The following GABRE variants were observed in gnomAD, a reference collection of about 807,000 sequenced individuals.
GABRE encodes gamma-aminobutyric acid receptor subunit epsilon.
A neutral mutation model predicts 31.0 loss-of-function variants in GABRE; 20 were observed. The observed-to-expected ratio is 0.64, with a 90% CI of 0.45 to 0.94. GABRE has a LOEUF of 0.94. Ranked by LOEUF, GABRE falls within the 40% of genes least tolerant of loss-of-function variation. GABRE has a pLI of 0.00. For synonymous variants in GABRE, 155 were observed against 150.6 expected (o/e 1.03, Z -0.21); for missense variants, 420 against 410.7 (o/e 1.02, Z -0.20).
Position 151,953,802 on chromosome X carries a change from CTTAG to C in GABRE, c.*895_*898del, listed in dbSNP as rs1289735997. On this transcript the variant is annotated 3_prime_UTR_variant, in exon 9 of 9. Transcript: ENST00000370328. Reference sequence around the variant, plus strand: ...AATGCCTGTTGCAAAGCCGAGTTTCCTTAGTTTCTTGGCCCCAGGAAGTCACCAA... The same window carrying C: ...AATGCCTGTTGCAAAGCCGAGTTTCCTTTCTTGGCCCCAGGAAGTCACCAA... The C allele has an allele frequency of 8.9e-6, 1 of 111,772 alleles. No individual in the cohort carries two copies. The highest frequency in any genetic ancestry group is 1.9e-5 in the Non-Finnish European group (1 of 53,152). 9.2% of individuals were successfully genotyped at this position (111,772 alleles called of 1,213,427 possible).
intron 3 of GABRE, among the ~76,000 whole-genome samples, chrX:151,963,268 A>C (rs1934436480): frequency 8.9e-6 from 1 of 112,357 alleles, no homozygotes; most frequent in Non-Finnish European, 1.9e-5. Flanking sequence ...GAAGACTGGA[A>C]TCTTGCCCTC....
chrX:151,959,379 T>C (rs1256781863), intron 6 of GABRE: 1 of 244,080 alleles, frequency 4.1e-6, no homozygotes, highest in Non-Finnish European at 7.6e-6. Flanking sequence ...TCCTCCAGAC[T>C]TTCCCAGCCT....
At chrX:151,974,205 T>C (rs1043880297) in intron 1 of GABRE, among the ~76,000 whole-genome samples, 1 of 111,997 alleles carries the variant, frequency 8.9e-6, no homozygotes, top group Non-Finnish European at 1.9e-5. Flanking sequence ...AAGCCTGCCC[T>C]GGCCGGTCAC....
Position 151,974,640 on chromosome X carries a change from G to C in GABRE, c.-15C>G. On this transcript the variant is annotated 5_prime_UTR_variant, in exon 1 of 9. Coordinates refer to ENST00000370328, the MANE Select transcript of GABRE (RefSeq NM_004961.4). ...TTGGACAACATTTCCGCGGAGACCG[G>C]CGCGACCACCTGCGCGGAGGTCGCG... The C allele has an allele frequency of 8.6e-7, 1 of 1,158,685 alleles. No individual in the cohort carries two copies. Among genetic ancestry groups the C allele is most frequent in the South Asian group, 1.9e-5 (1 of 52,036 alleles).
chrX:151,970,542 A>G, intron 1 of GABRE, 140 bp from the exon 2 acceptor site: 1 of 675,313 alleles, frequency 1.5e-6, no homozygotes. Context: ...AGCAAATTAT[A>G]AGACAGTGAC....
Position 151,974,573 on chromosome X carries a change from GACTGGAGGATCA to G in GABRE, c.41_52del (p.Leu14_Gln17del). On this transcript the variant is annotated inframe_deletion, in exon 1 of 9. Coordinates refer to ENST00000370328, the MANE Select transcript of GABRE (RefSeq NM_004961.4). ...GGGTCCCGGGATGGAGACTCACCTC[GACTGGAGGATCA>G]ATAAGATGCCTAGGAGGACTGGAAG... is the stretch of plus-strand genomic sequence containing the variant. 8.6e-7 allele frequency: 1 copy of G among 1,167,810 alleles called. No individual in the cohort carries two copies.
chrX:151,974,504 CGTCCCGGCTCCCG>C, intron 1 of GABRE, 53 bp downstream of exon 1: 1 of 782,413 alleles, frequency 1.3e-6, no homozygotes, highest in Non-Finnish European at 1.8e-6. Flanking sequence ...TCCCGGGAGC[CGTCCCGGCTCCCG>C]GGGAGAGGGA....
intron 6 of GABRE, chrX:151,956,201 G>A (rs1355244386): frequency 1.4e-5 from 3 of 218,289 alleles, no homozygotes; most frequent in Non-Finnish European, 2.5e-5. Flanking sequence ...CCACGCAGCT[G>A]ATATCCAGAT....
At position 151,955,507 on chromosome X, in the gene GABRE, C is replaced by A. The variant is rs749967424; in HGVS notation, c.998G>T (p.Arg333Leu). ...ATCCAAGGCTGTGATATAGGAGACA[C>A]GCGGGAAATTCTTACGAGAAAAGGT... ...LGTFSRKNFP[R>L]VSYITALDFY... Residue 333 changes from arginine (R) to leucine (L), a missense_variant, in exon 8 of 9, where the codon CGT (arginine) becomes CTT (leucine). Arg to Leu is a moderately radical substitution (Grantham distance 102). Transcript: ENST00000370328. 10 of 1,210,210 alleles carry A rather than the reference C, an allele frequency of 8.3e-6. No individual in the cohort carries two copies. Among genetic ancestry groups the A allele is most frequent in the Non-Finnish European group, 1.1e-5 (10 of 895,055 alleles).
Position 151,959,728 on chromosome X carries a change from G to T in GABRE, c.784+111C>A, listed in dbSNP as rs1157764668. 4 of 817,506 alleles carry T rather than the reference G, an allele frequency of 4.9e-6. No individual in the cohort carries two copies. In the African/African-American group the frequency reaches 6.1e-5, roughly 13 times the overall value. 67.4% of individuals were successfully genotyped at this position (817,506 alleles called of 1,213,427 possible). A position where few individuals can be genotyped will look rare whatever the true frequency, so the allele number is the denominator to read the frequency against. ...AGTGCTTAGCAATTATAAGACAGGAGCCATGTCTTACAATGTTTGCACGGG... is the reference window on the plus strand; with the variant it reads ...AGTGCTTAGCAATTATAAGACAGGATCCATGTCTTACAATGTTTGCACGGG... On this transcript the variant is annotated intron_variant, in intron 6 of 8. Coordinates refer to ENST00000370328, the MANE Select transcript of GABRE (RefSeq NM_004961.4).
At chrX:151,965,656 C>T (rs1199815810) in intron 3 of GABRE, among the ~76,000 whole-genome samples, 6 of 112,979 alleles carry the variant, frequency 5.3e-5, no homozygotes, top group Non-Finnish European at 9.4e-5. Context: ...CTGCAGAATC[C>T]CTAGGTCTTT....
chrX:151,971,348 A>C (rs1663602198), intron 1 of GABRE: 1 of 303,000 alleles, frequency 3.3e-6, no homozygotes. Context: ...TTTAAAAATC[A>C]AAATGCCCCA....
At chrX:151,963,459 T>G in intron 3 of GABRE, among the ~76,000 whole-genome samples, 1 of 112,706 alleles carries the variant, frequency 8.9e-6, no homozygotes. Context: ...GCACTACTAC[T>G]CACTTTGTGC....
In GABRE at chrX:151,955,733, C is replaced by T. The variant is rs748359641; in HGVS notation, c.912G>A (p.Glu304=). The change falls in exon 7 of 9, where the codon GAG becomes GAA. Residue 304 remains glutamate (E), a synonymous_variant. Coordinates refer to ENST00000370328, the MANE Select transcript of GABRE (RefSeq NM_004961.4). ...CTAGAGAGGTCCGGGCTGGAGCAGA[C>T]TCTGTCTTGATCCAAAAGGAAACCC... ...LSWVSFWIKT[E]SAPARTSLGI... 1 of 1,210,534 alleles carries T rather than the reference C, an allele frequency of 8.3e-7. No individual in the cohort carries two copies. Among genetic ancestry groups the T allele is most frequent in the Non-Finnish European group, 1.1e-6 (1 of 895,419 alleles).
At chrX:151,969,887 T>C (rs753016662) in intron 2 of GABRE, 151 bp from the exon 3 acceptor site, 15 of 1,083,617 alleles carry the variant, frequency 1.4e-5, no homozygotes, top group East Asian at 3.3e-5. Context: ...TATTCTTTCA[T>C]GGCAAAACCA....
At chrX:151,964,521 C>T (rs997290797) in intron 3 of GABRE, among the ~76,000 whole-genome samples, 42 of 111,680 alleles carry the variant, frequency 3.8e-4, no homozygotes, top group African/African-American at 1.3e-3. Context: ...GCGATGGTGG[C>T]TTAATTCCAT....
chrX:151,960,863 G>T (rs1202042415), intron 5 of GABRE, among the ~76,000 whole-genome samples: 4 of 111,851 alleles, frequency 3.6e-5, no homozygotes, highest in Non-Finnish European at 7.5e-5. Flanking sequence ...TTCTTGATTT[G>T]CGCAACTGGG....
At chrX:151,972,303 A>G (rs747898260) in intron 1 of GABRE, 193 of 752,034 alleles carry the variant, frequency 2.6e-4, no homozygotes, top group Non-Finnish European at 2.9e-4. Flanking sequence ...TACAGTTTCT[A>G]CTTTCAAATG....
At chrX:151,961,423 G>C (rs1381837567) in intron 4 of GABRE, 58 bp from the exon 5 acceptor site, 7 of 831,584 alleles carry the variant, frequency 8.4e-6, no homozygotes, top group Non-Finnish European at 1.2e-5. Context: ...TATCCACCCA[G>C]CTTTGGTCTA....
Sources: allele counts gnomAD v4.1 joint callset (sites outside exome capture counted in the v4.1 genomes callset), GRCh38; gene constraint gnomAD v4.1.1; transcripts MANE v1.5; gene names NCBI Gene and HGNC (gene_info 2026-07-23, HGNC 2026-07-21).